The following FAM53A variants were observed in gnomAD, a reference collection of about 807,000 sequenced individuals.
FAM53A encodes protein FAM53A.
A neutral mutation model predicts 26.6 loss-of-function variants in FAM53A; 28 were observed. That is an observed-to-expected ratio of 1.05 (90% CI 0.78 to 1.45). FAM53A has a LOEUF of 1.45. Among genes scored for constraint, FAM53A ranks in the 40% most tolerant of loss-of-function variants. The pLI is 0.00. For missense variants in FAM53A, 650 were observed against 575.8 expected (o/e 1.13, Z -1.32); for synonymous variants, 290 against 253.1 (o/e 1.15, Z -1.38).
chr4:1,669,590 C>G (rs1397054571), intron 1 of FAM53A, among the ~76,000 whole-genome samples: 1 of 152,230 alleles, frequency 6.6e-6, no homozygotes. Flanking sequence ...AGCGTGTCCC[C>G]AAACTGCCCC....
At chr4:1,675,994 T>C (rs974466911) in intron 1 of FAM53A, among the ~76,000 whole-genome samples, 1 of 152,262 alleles carries the variant, frequency 6.6e-6, no homozygotes, top group African/African-American at 2.4e-5. Flanking sequence ...CTGGCCACTC[T>C]CATTCTCCAG....
chr4:1,603,938 C>G, the FAM53A span, among the ~76,000 whole-genome samples: 1 of 152,200 alleles, frequency 6.6e-6, no homozygotes, highest in Non-Finnish European at 1.5e-5. Context: ...CCAAGGCCAC[C>G]TTGGGCCAGC....
intron 1 of FAM53A, among the ~76,000 whole-genome samples, chr4:1,620,473 A>G (rs1254170678): frequency 1.3e-5 from 2 of 151,898 alleles, no homozygotes; most frequent in Non-Finnish European, 2.9e-5. Context: ...GCTGCATACA[A>G]AACACCATCA....
the FAM53A span, among the ~76,000 whole-genome samples, chr4:1,590,222 T>A: frequency 6.6e-6 from 1 of 152,224 alleles, no homozygotes; most frequent in South Asian, 2.1e-4. Context: ...TGCATTATAG[T>A]GAAAGGATAC....
intron 4 of FAM53A, 126 bp from the exon 5 acceptor site, chr4:1,641,733 G>T: frequency 1.1e-6 from 1 of 948,174 alleles, no homozygotes; most frequent in Non-Finnish European, 1.6e-6. Context: ...ACAAAGCAGG[G>T]GCCTTGGTCC....
At chr4:1,632,195 A>C (rs1411827161) in intron 1 of FAM53A, among the ~76,000 whole-genome samples, 2 of 149,540 alleles carry the variant, frequency 1.3e-5, no homozygotes, top group African/African-American at 2.5e-5. Context: ...TAGTATTTGG[A>C]GATACGGTCT....
the FAM53A span, among the ~76,000 whole-genome samples, chr4:1,602,284 GAA>G: frequency 6.6e-6 from 1 of 152,238 alleles, no homozygotes; most frequent in African/African-American, 2.4e-5. Flanking sequence ...GCCTCCAAAT[GAA>G]AGTCTGTTTA....
the FAM53A span, among the ~76,000 whole-genome samples, chr4:1,603,579 AC>A: frequency 6.6e-6 from 1 of 151,890 alleles, no homozygotes; most frequent in African/African-American, 2.4e-5. Context: ...CCCTCTACAG[AC>A]CCTGGCACTG....
At chr4:1,637,584 C>T (rs1251474903), downstream of FAM53A, among the ~76,000 whole-genome samples, 2 of 152,090 alleles carry the variant, frequency 1.3e-5, no homozygotes, top group Non-Finnish European at 2.9e-5. Flanking sequence ...GGACAGGAGC[C>T]CTGCAGTGGG....
intron 2 of FAM53A, among the ~76,000 whole-genome samples, chr4:1,660,997 G>A (rs1262575347): frequency 2.6e-5 from 4 of 151,366 alleles, no homozygotes; most frequent in Admixed American, 6.6e-5. Flanking sequence ...CACCCATACC[G>A]TGCCCGCCAG....
intron 1 of FAM53A, among the ~76,000 whole-genome samples, chr4:1,675,808 C>A (rs1213291460): frequency 6.6e-6 from 1 of 152,210 alleles, no homozygotes. Context: ...ACTCCCCCAT[C>A]TTCTCCCCTC....
chr4:1,603,126 G>A, the FAM53A span, among the ~76,000 whole-genome samples: 2 of 152,164 alleles, frequency 1.3e-5, no homozygotes, highest in Non-Finnish European at 2.9e-5. Flanking sequence ...AAGCCCAGCT[G>A]TGTGTATGAG....
the FAM53A span, among the ~76,000 whole-genome samples, chr4:1,576,220 C>A: frequency 6.6e-6 from 1 of 152,244 alleles, no homozygotes; most frequent in Non-Finnish European, 1.5e-5. Context: ...ATCTATCACG[C>A]GGCTGCCTTC....
At chr4:1,576,809 G>A in the FAM53A span, among the ~76,000 whole-genome samples, 12 of 152,292 alleles carry the variant, frequency 7.9e-5, no homozygotes, top group African/African-American at 2.2e-4. Flanking sequence ...GGGCTGTGGC[G>A]GAAGCCCGGA....
chr4:1,593,306 G>A, the FAM53A span, among the ~76,000 whole-genome samples: 5 of 152,238 alleles, frequency 3.3e-5, no homozygotes, highest in South Asian at 8.3e-4. Context: ...CGGCGCGGCA[G>A]GTGCGCTCAG....
chr4:1,589,479 C>CT, the FAM53A span, among the ~76,000 whole-genome samples: 3 of 151,810 alleles, frequency 2.0e-5, no homozygotes, highest in African/African-American at 4.8e-5. Flanking sequence ...CAGGACATTT[C>CT]TTTTTTTTCT....
the FAM53A span, among the ~76,000 whole-genome samples, chr4:1,596,114 A>G: frequency 6.6e-6 from 1 of 152,144 alleles, no homozygotes; most frequent in East Asian, 1.9e-4. Flanking sequence ...AGACAGAGGG[A>G]CGAGGGGAGG....
intron 2 of FAM53A, among the ~76,000 whole-genome samples, chr4:1,665,920 C>T (rs1284393809): frequency 6.6e-6 from 1 of 151,710 alleles, no homozygotes; most frequent in Non-Finnish European, 1.5e-5. Context: ...CAAACCTGCA[C>T]CTGCACCCCC....
the FAM53A span, among the ~76,000 whole-genome samples, chr4:1,603,039 C>T: frequency 6.6e-6 from 1 of 152,326 alleles, no homozygotes; most frequent in East Asian, 1.9e-4. Flanking sequence ...CATTTCACAA[C>T]GAGGGCCCTG....
Sources: gnomAD v4.1 joint callset for allele counts (sites outside exome capture counted in the v4.1 genomes callset) on GRCh38, gnomAD v4.1.1 for gene constraint, MANE v1.5 for transcripts, NCBI Gene and HGNC (gene_info 2026-07-23, HGNC 2026-07-21) for gene names.